ANKFY1: variants seen among roughly 807,000 people sequenced by gnomAD.
ANKFY1 encodes the protein ankyrin repeat and FYVE domain-containing protein 1.
ANKFY1 carries 47 observed loss-of-function variants against 128.3 expected under a neutral mutation model. The observed-to-expected ratio is 0.37, with a 90% CI of 0.29 to 0.47. ANKFY1 has a LOEUF of 0.47. Ranked by LOEUF, ANKFY1 falls within the 20% of genes least tolerant of loss-of-function variation. The pLI is 1.00. For synonymous variants in ANKFY1, 553 were observed against 601.6 expected (o/e 0.92, Z 1.18); for missense variants, 1,222 against 1,510.6 (o/e 0.81, Z 3.17).
intron 17 of ANKFY1, 39 bp from the exon 18 acceptor site, chr17:4,179,096 G>T (rs1360412072): frequency 1.3e-6 from 2 of 1,599,004 alleles, no homozygotes; most frequent in Non-Finnish European, 1.7e-6. Context: ...TCAATTGCAA[G>T]ATAAAACTCA....
chr17:4,240,404 T>TTA (rs1402552338), intron 2 of ANKFY1, among the ~76,000 whole-genome samples: 15 of 151,020 alleles, frequency 9.9e-5, no homozygotes, highest in East Asian at 3.9e-4. Context: ...ATTTATTTAT[T>TTA]TTTTTAAGAC....
Position 4,167,775 on chromosome 17 carries a change from C to G in ANKFY1, c.*4G>C, listed in dbSNP as rs1282173758. The G allele has an allele frequency of 5.6e-6, 9 of 1,612,046 alleles. No individual in the cohort carries two copies. The highest frequency in any genetic ancestry group is 7.6e-6 in the Non-Finnish European group (9 of 1,178,862). On this transcript the variant is annotated 3_prime_UTR_variant, in exon 25 of 25. Coordinates refer to ENST00000341657, the MANE Select transcript of ANKFY1 (RefSeq NM_001330063.2). This position sits in a 1 kb window ranked among gnomAD's most constrained non-coding sequence, Gnocchi z 4.1. Reference sequence around the variant, plus strand: ...GACGTGGCCTGGACCCTCCGGGGGGCTCACTAAGAAACCCCACCCAGAGTC... The same window carrying G: ...GACGTGGCCTGGACCCTCCGGGGGGGTCACTAAGAAACCCCACCCAGAGTC...
Position 4,181,193 on chromosome 17 carries a change from AAG to A in ANKFY1, c.2240+59_2240+60del, listed in dbSNP as rs1272028736. On this transcript the variant is annotated intron_variant, in intron 16 of 24. Coordinates refer to ENST00000341657, the MANE Select transcript of ANKFY1 (RefSeq NM_001330063.2). This position sits in a 1 kb window ranked among gnomAD's most constrained non-coding sequence, Gnocchi z 4.9. ...AGACTATAGACGGATTTAAAAAGGA[AAG>A]AGCCAGTTTGCAACAAGCTCACTAA... The A allele has an allele frequency of 9.4e-6, 13 of 1,380,326 alleles. No individual in the cohort carries two copies. In the African/African-American group the frequency reaches 1.3e-4, roughly 14 times the overall value. 85.5% of individuals were successfully genotyped at this position (1,380,326 alleles called of 1,614,324 possible).
intron 11 of ANKFY1, chr17:4,186,529 A>G (rs1277202746): frequency 6.6e-6 from 1 of 151,894 alleles, no homozygotes; most frequent in Admixed American, 6.6e-5. Context: ...CTGCCTCTTG[A>G]TTTTCCAGCT....
At chr17:4,173,863 AG>A in intron 20 of ANKFY1, 45 bp downstream of exon 20, 1 of 1,587,448 alleles carries the variant, frequency 6.3e-7, no homozygotes, top group Non-Finnish European at 8.6e-7. Context: ...CCCCACCCCT[AG>A]AATGGAGGGA....
chr17:4,251,005 A>C (rs1477637238), intron 1 of ANKFY1, among the ~76,000 whole-genome samples: 2 of 152,218 alleles, frequency 1.3e-5, no homozygotes, highest in Non-Finnish European at 1.5e-5. Flanking sequence ...GGGAAAGAAA[A>C]AGGTTTAGCA....
intron 5 of ANKFY1, 31 bp downstream of exon 5, chr17:4,209,793 G>A (rs2081812501): frequency 1.3e-6 from 2 of 1,585,592 alleles, no homozygotes; most frequent in African/African-American, 1.3e-5. Context: ...GCCAGCTAGA[G>A]TGCTTTGTTG....
intron 24 of ANKFY1, 116 bp from the exon 25 acceptor site, chr17:4,168,027 G>T: frequency 8.5e-7 from 1 of 1,176,148 alleles, no homozygotes; most frequent in Non-Finnish European, 1.2e-6. Context: ...ATGCTACTCT[G>T]GCAACTCTGC....
intron 3 of ANKFY1, among the ~76,000 whole-genome samples, chr17:4,218,452 A>G (rs1266703590): frequency 6.6e-6 from 1 of 152,246 alleles, no homozygotes; most frequent in Admixed American, 6.5e-5. Flanking sequence ...AAATACTTGT[A>G]TAAGATCTCA....
In ANKFY1 at chr17:4,177,287, G is replaced by C; in HGVS notation, c.2614C>G (p.Arg872Gly). Reference protein sequence around the residue: ...GAAEQVDNKGRNFLHVAVQNS... With the variant: ...GAAEQVDNKGGNFLHVAVQNS... ...TGAACTGCCACATGAAGGAAATTCCGGCCCTTGTTATCCACCTACAGCAAC... is the reference window on the plus strand; with the variant it reads ...TGAACTGCCACATGAAGGAAATTCCCGCCCTTGTTATCCACCTACAGCAAC... Residue 872 changes from arginine (R) to glycine (G), a missense_variant, in exon 19 of 25, where the codon CGG (arginine) becomes GGG (glycine). Transcript: ENST00000341657. The C allele has an allele frequency of 6.3e-7, 1 of 1,592,358 alleles. No individual in the cohort carries two copies. The highest frequency in any genetic ancestry group is 8.6e-7 in the Non-Finnish European group (1 of 1,169,106).
chr17:4,177,002 C>CG, intron 19 of ANKFY1, 124 bp downstream of exon 19: 1 of 1,067,238 alleles, frequency 9.4e-7, no homozygotes, highest in African/African-American at 1.6e-5. Flanking sequence ...GCACCAGCCT[C>CG]GCTCCCCAAA....
At chr17:4,233,861 A>G (rs1246912843) in intron 3 of ANKFY1, among the ~76,000 whole-genome samples, 1 of 152,216 alleles carries the variant, frequency 6.6e-6, no homozygotes, top group Non-Finnish European at 1.5e-5. Flanking sequence ...GGAAAACAGT[A>G]CCTTCTCAAC....
chr17:4,245,329 G>A (rs369765088), intron 1 of ANKFY1, among the ~76,000 whole-genome samples: 16 of 151,966 alleles, frequency 1.1e-4, no homozygotes, highest in African/African-American at 3.6e-4. Context: ...CCTCAGCCTC[G>A]AGAGTAGCTA....
At chr17:4,172,798 A>C in intron 21 of ANKFY1, 118 bp from the exon 22 acceptor site, 1 of 1,368,336 alleles carries the variant, frequency 7.3e-7, no homozygotes. Flanking sequence ...AAAACAAGTC[A>C]CAAAAGTTTT....
At chr17:4,214,114 A>G in intron 4 of ANKFY1, among the ~76,000 whole-genome samples, 1 of 152,240 alleles carries the variant, frequency 6.6e-6, no homozygotes, top group South Asian at 2.1e-4. Context: ...GATCTCAGGA[A>G]GTAATAACTC....
At chr17:4,256,881 T>C (rs1054037723) in intron 1 of ANKFY1, among the ~76,000 whole-genome samples, 1 of 152,128 alleles carries the variant, frequency 6.6e-6, no homozygotes, top group Non-Finnish European at 1.5e-5. Context: ...TTACACATCT[T>C]TCAAAAGCTC....
intron 1 of ANKFY1, among the ~76,000 whole-genome samples, chr17:4,256,245 A>G (rs967437471): frequency 2.6e-5 from 4 of 151,958 alleles, no homozygotes; most frequent in Admixed American, 6.6e-5. Context: ...TGGCTAACAG[A>G]GTGAAACCCC....
At position 4,177,179 on chromosome 17, in the gene ANKFY1, T is replaced by G. The variant is rs748841181; in HGVS notation, c.2722A>C (p.Thr908Pro). ...GCTTGGACAGCGAGGTGCAGGGGGG[T>G]CAACTTGGAGGCATCCTGGACTCTT... Reference protein sequence around the residue: ...NSRVQDASKLTPLHLAVQAGS... With the variant: ...NSRVQDASKLPPLHLAVQAGS... Residue 908 changes from threonine (T) to proline (P), a missense_variant, in exon 19 of 25, where the codon ACC (threonine) becomes CCC (proline). By Grantham distance (38) the Thr-to-Pro change is conservative. Coordinates refer to ENST00000341657, the MANE Select transcript of ANKFY1 (RefSeq NM_001330063.2). The G allele has an allele frequency of 1.1e-5, 17 of 1,605,206 alleles. No homozygotes were observed.
chr17:4,256,463 G>A (rs1968132390), intron 1 of ANKFY1, among the ~76,000 whole-genome samples: 1 of 152,078 alleles, frequency 6.6e-6, no homozygotes, highest in Non-Finnish European at 1.5e-5. Flanking sequence ...ACTGTACTGT[G>A]CAGGGTTCTC....
Sources: gnomAD v4.1 joint callset for allele counts (sites outside exome capture counted in the v4.1 genomes callset) on GRCh38, gnomAD v4.1.1 for gene constraint, Gnocchi (gnomAD v3.1) non-coding constraint, MANE v1.5 for transcripts, NCBI Gene and HGNC (gene_info 2026-07-23, HGNC 2026-07-21) for gene names.